TTBK2: variants seen among roughly 807,000 people sequenced by gnomAD.
TTBK2 encodes tau-tubulin kinase 2.
A neutral mutation model predicts 110.8 loss-of-function variants in TTBK2; 28 were observed. That is an observed-to-expected ratio of 0.25 (90% CI 0.19 to 0.35). The LOEUF is 0.35. TTBK2 is among the 10% of genes least tolerant of loss of function. The probability of loss-of-function intolerance (pLI) is 1.00; values close to 1 mark genes in which losing one functional copy is unlikely to be tolerated. For synonymous variants in TTBK2, 532 were observed against 527.3 expected (o/e 1.01, Z -0.12); for missense variants, 1,369 against 1,500.3 (o/e 0.91, Z 1.45).
intron 10 of TTBK2, among the ~76,000 whole-genome samples, chr15:42,786,543 T>C (rs1890421655): frequency 1.3e-5 from 2 of 152,190 alleles, no homozygotes; most frequent in South Asian, 4.1e-4. Context: ...CTAGCCACTA[T>C]TCTGCTTTTT....
At chr15:42,763,163 T>TATATATAC (rs1889139606) in intron 13 of TTBK2, among the ~76,000 whole-genome samples, 1 of 11,806 alleles carries the variant, frequency 8.5e-5, no homozygotes, top group African/African-American at 3.9e-4. Context: ...TATACATATA[T>TATATATAC]ATATATATAT....
At chr15:42,825,080 C>T (rs931001173) in intron 6 of TTBK2, among the ~76,000 whole-genome samples, 10 of 151,998 alleles carry the variant, frequency 6.6e-5, no homozygotes, top group Non-Finnish European at 1.3e-4. Context: ...CACTGCACTC[C>T]CGCCTGTGCA....
chr15:42,853,982 T>C (rs1029336596), intron 3 of TTBK2, among the ~76,000 whole-genome samples: 14 of 152,286 alleles, frequency 9.2e-5, no homozygotes, highest in Admixed American at 1.3e-4. Flanking sequence ...GTCACCCAGG[T>C]TGGAACACAG....
Position 42,752,684 on chromosome 15 carries a change from A to T in TTBK2, c.2562T>A (p.Ile854=). The change falls in exon 14 of 15, where the codon ATT becomes ATA. Residue 854 remains isoleucine, a synonymous_variant. Coordinates refer to ENST00000267890, the MANE Select transcript of TTBK2 (RefSeq NM_173500.4). Reference sequence around the variant, plus strand: ...CATGTGGGTCAATGTCTCTGGAAGAAATTTCTGAAGTTCCAACTGTCAGAA... The same window carrying T: ...CATGTGGGTCAATGTCTCTGGAAGATATTTCTGAAGTTCCAACTGTCAGAA... ...MKLLTVGTSE[I]SSRDIDPHVE... 2.5e-6 allele frequency: 4 copies of T among 1,614,122 alleles called. No homozygotes were observed. The highest frequency in any genetic ancestry group is 3.4e-6 in the Non-Finnish European group (4 of 1,180,038).
At chr15:42,882,692 G>A (rs548023211) in intron 1 of TTBK2, among the ~76,000 whole-genome samples, 22 of 152,160 alleles carry the variant, frequency 1.4e-4, no homozygotes, top group Middle Eastern at 3.4e-3. Flanking sequence ...TTGACTGACT[G>A]CGGATTTCTC....
intron 5 of TTBK2, 70 bp downstream of exon 5, chr15:42,829,868 T>C: frequency 6.3e-7 from 1 of 1,580,910 alleles, no homozygotes; most frequent in Admixed American, 1.7e-5. Flanking sequence ...ACATTTGTAA[T>C]TTATTGTGTC....
intron 2 of TTBK2, among the ~76,000 whole-genome samples, chr15:42,878,233 C>T (rs1480876032): frequency 6.6e-6 from 1 of 151,400 alleles, no homozygotes; most frequent in Non-Finnish European, 1.5e-5. Context: ...CCGCCCGCCT[C>T]GGCCTCCCAA....
intron 7 of TTBK2, among the ~76,000 whole-genome samples, chr15:42,816,419 C>A (rs959304000): frequency 6.6e-6 from 1 of 151,812 alleles, no homozygotes; most frequent in East Asian, 1.9e-4. Flanking sequence ...TAATTAAGGA[C>A]ACAGATTTCC....
chr15:42,828,132 A>G, intron 5 of TTBK2, 100 bp from the exon 6 acceptor site: 1 of 865,258 alleles, frequency 1.2e-6, no homozygotes, highest in Non-Finnish European at 1.8e-6. Context: ...TAAGCTCTAT[A>G]TAACACACAT....
rs1567017755 is a variant in TTBK2, at chr15:42,777,101, G to A, written c.1339C>T (p.His447Tyr). Residue 447 changes from histidine to tyrosine, a missense_variant, in exon 12 of 15, where the codon CAC (histidine) becomes TAC (tyrosine). Transcript: ENST00000267890. ...AGACGTTTTTCCAGCTCAAAGCTGTGAATGGAACGTAACTTTCGCACCAGT... is the reference window on the plus strand; with the variant it reads ...AGACGTTTTTCCAGCTCAAAGCTGTAAATGGAACGTAACTTTCGCACCAGT... ...IPLVRKLRSI[H>Y]SFELEKRLTL... is the part of the protein sequence containing the mutation. The A allele has an allele frequency of 1.2e-6, 2 of 1,614,206 alleles. No homozygotes were observed. The highest frequency in any genetic ancestry group is 1.7e-6 in the Non-Finnish European group (2 of 1,180,044).
intron 3 of TTBK2, among the ~76,000 whole-genome samples, chr15:42,840,823 G>A (rs1893191261): frequency 6.6e-6 from 1 of 152,200 alleles, no homozygotes; most frequent in Non-Finnish European, 1.5e-5. Flanking sequence ...TTTCAGATAT[G>A]TTATGGTACT....
chr15:42,752,705 C>G lies in TTBK2; in HGVS notation c.2541G>C (p.Leu847=). ...QDKNNEIMKL[L]TVGTSEISSR... Reference sequence around the variant, plus strand: ...AAGAAATTTCTGAAGTTCCAACTGTCAGAAGCTTCATTATCTCATTATTTT... The same window carrying G: ...AAGAAATTTCTGAAGTTCCAACTGTGAGAAGCTTCATTATCTCATTATTTT... The change falls in exon 14 of 15, where the codon CTG becomes CTC. Residue 847 remains leucine, a synonymous_variant. Coordinates refer to ENST00000267890, the MANE Select transcript of TTBK2 (RefSeq NM_173500.4). 1 of 1,614,126 alleles carries G rather than the reference C, an allele frequency of 6.2e-7. No homozygotes were observed. The highest frequency in any genetic ancestry group is 8.5e-7 in the Non-Finnish European group (1 of 1,180,030).
chr15:42,875,986 C>A (rs531285696), intron 2 of TTBK2, among the ~76,000 whole-genome samples: 7 of 150,834 alleles, frequency 4.6e-5, no homozygotes, highest in African/African-American at 1.5e-4. Flanking sequence ...AAATGAGCCA[C>A]CAGGTTGGGG....
At chr15:42,846,687 T>C (rs1223144983) in intron 3 of TTBK2, among the ~76,000 whole-genome samples, 1 of 152,224 alleles carries the variant, frequency 6.6e-6, no homozygotes, top group East Asian at 1.9e-4. Flanking sequence ...TGATAACACC[T>C]GAGTTTATGT....
rs1468893675 is a variant in TTBK2, at chr15:42,744,233, A to G, written c.*1562T>C. On this transcript the variant is annotated 3_prime_UTR_variant, in exon 15 of 15. Coordinates refer to ENST00000267890, the MANE Select transcript of TTBK2 (RefSeq NM_173500.4). The stretch of plus-strand genomic sequence containing the variant: ...AGTGTTTTGAGTTTGTTTTTTTAAA[A>G]AGCTCAACACAGATAAAGAGAACAA... 6.6e-6 allele frequency: 1 copy of G among 152,228 alleles called. No homozygotes were observed. The highest frequency in any genetic ancestry group is 1.5e-5 in the Non-Finnish European group (1 of 68,030). 9.4% of individuals were successfully genotyped at this position (152,228 alleles called of 1,614,324 possible).
chr15:42,830,172 T>A (rs1294964855), intron 4 of TTBK2, 94 bp from the exon 5 acceptor site: 35 of 1,507,712 alleles, frequency 2.3e-5, no homozygotes, highest in Middle Eastern at 1.9e-4. Flanking sequence ...AAAAGATGTT[T>A]TCAGCAAAAT....
At chr15:42,790,923 A>G (rs904611627) in intron 10 of TTBK2, among the ~76,000 whole-genome samples, 4 of 151,770 alleles carry the variant, frequency 2.6e-5, no homozygotes, top group Admixed American at 2.0e-4. Flanking sequence ...TCGCTCTGTC[A>G]TCCAGGCTGG....
At chr15:42,780,866 AG>A (rs1284211001) in intron 11 of TTBK2, among the ~76,000 whole-genome samples, 3 of 152,106 alleles carry the variant, frequency 2.0e-5, no homozygotes, top group Admixed American at 1.3e-4. Flanking sequence ...TGGGAGGCTG[AG>A]GTAGGAGAAT....
chr15:42,816,107 T>TAAAAATAA (rs1892012365), intron 7 of TTBK2, among the ~76,000 whole-genome samples: 1 of 123,508 alleles, frequency 8.1e-6, no homozygotes, highest in Non-Finnish European at 1.6e-5. Flanking sequence ...TATATATATA[T>TAAAAATAA]ATATATATAT....
Sources: gnomAD v4.1 joint callset for allele counts (sites outside exome capture counted in the v4.1 genomes callset) on GRCh38, gnomAD v4.1.1 for gene constraint, MANE v1.5 for transcripts, NCBI Gene and HGNC (gene_info 2026-07-23, HGNC 2026-07-21) for gene names.